NEGR1: variants seen among roughly 807,000 people sequenced by gnomAD.
NEGR1 encodes neuronal growth regulator 1, also known as IgLON family member 4.
In NEGR1, 10 loss-of-function variants were observed where a neutral mutation model predicts 40.9. That is an observed-to-expected ratio of 0.24 (90% confidence interval 0.15 to 0.42). The LOEUF (loss-of-function observed/expected upper bound fraction) is 0.42. Ranked by LOEUF, NEGR1 falls within the 10% of genes least tolerant of loss-of-function variation. The probability of loss-of-function intolerance (pLI) is 1.00; values close to 1 mark genes in which losing one functional copy is unlikely to be tolerated. For synonymous variants in NEGR1, 185 were observed against 166.8 expected, an observed-to-expected ratio of 1.11 and a Z score of -0.84; for missense variants, 352 against 438.9, an observed-to-expected ratio of 0.80 and a Z score of 1.77.
In NEGR1 at chr1:71,923,972, G is replaced by A. The variant is rs567722071; in HGVS notation, c.409+11107C>T. 7.3e-5 allele frequency among the ~76,000 whole-genome samples: 11 copies of A among 151,162 alleles called. No homozygotes were observed. The South Asian group carries it at 2.1e-3, about 29-fold the overall frequency. On this transcript the variant is annotated intron_variant, in intron 2 of 6. Coordinates refer to ENST00000357731, the MANE Select transcript of NEGR1 (RefSeq NM_173808.3). Reference sequence around the variant, plus strand: ...CACCCAGGCTGGAGTGCAGTGGCACGATCACCACTCACTGTAGCCTCCACC... The same window carrying A: ...CACCCAGGCTGGAGTGCAGTGGCACAATCACCACTCACTGTAGCCTCCACC...
chr1:71,992,929 G>A (rs1198365561), intron 1 of NEGR1, among the ~76,000 whole-genome samples: 1 of 152,136 alleles, frequency 6.6e-6, no homozygotes, highest in Non-Finnish European at 1.5e-5. Context: ...ATAAAATAAG[G>A]ATGACTAAGG....
At chr1:72,203,695 A>C (rs150705655) in intron 1 of NEGR1, among the ~76,000 whole-genome samples, 1 of 152,206 alleles carries the variant, frequency 6.6e-6, no homozygotes, top group East Asian at 1.9e-4. Context: ...GCTGTGGAAA[A>C]ATATTTGGTG....
chr1:71,795,683 C>A (rs1392874392), intron 2 of NEGR1, among the ~76,000 whole-genome samples: 1 of 152,110 alleles, frequency 6.6e-6, no homozygotes, highest in Non-Finnish European at 1.5e-5. Context: ...TCTTCAACTG[C>A]AGACAAAATG....
intron 4 of NEGR1, among the ~76,000 whole-genome samples, chr1:71,632,835 C>T (rs144627238): frequency 0.017 from 2,520 of 152,012 alleles, 27 homozygotes; most frequent in Admixed American, 0.031. Context: ...ACTGTACAAT[C>T]TGTTAACTTA....
chr1:72,160,678 C>T (rs182678685), intron 1 of NEGR1, among the ~76,000 whole-genome samples: 13 of 152,018 alleles, frequency 8.6e-5, no homozygotes, highest in East Asian at 3.9e-4. Flanking sequence ...ATATTTGCAT[C>T]GTTTTTCTGG....
intron 6 of NEGR1, among the ~76,000 whole-genome samples, chr1:71,538,887 C>G (rs1253031706): frequency 6.6e-6 from 1 of 151,712 alleles, no homozygotes; most frequent in East Asian, 2.0e-4. Context: ...ATCTGGTGAT[C>G]TTAGGTGTGT....
intron 6 of NEGR1, among the ~76,000 whole-genome samples, chr1:71,449,842 T>TC (rs1646612377): frequency 6.6e-6 from 1 of 152,150 alleles, no homozygotes; most frequent in Non-Finnish European, 1.5e-5. Flanking sequence ...ACCACATTGT[T>TC]TAGTATGTTC....
intron 1 of NEGR1, among the ~76,000 whole-genome samples, chr1:72,246,092 T>C (rs868855068): frequency 6.6e-6 from 1 of 152,140 alleles, no homozygotes; most frequent in Non-Finnish European, 1.5e-5. Flanking sequence ...CTGCAGAAAG[T>C]TTTCATCCCA....
chr1:71,948,425 CT>C (rs1646039802), intron 1 of NEGR1, among the ~76,000 whole-genome samples: 2 of 151,374 alleles, frequency 1.3e-5, no homozygotes, highest in African/African-American at 4.9e-5. Context: ...TTATGATCAA[CT>C]CTTTGTTATT....
intron 3 of NEGR1, among the ~76,000 whole-genome samples, chr1:71,755,317 CTT>C (rs1483029282): frequency 1.3e-5 from 2 of 152,182 alleles, no homozygotes; most frequent in Non-Finnish European, 2.9e-5. Flanking sequence ...AGCTACTACT[CTT>C]GTTTCCTAAA....
chr1:71,437,280 GGGA>G lies in NEGR1; in HGVS notation c.941-29713_941-29711del, dbSNP rs1557525794. ...GAATAGGTGGGATGAGAGGTTTTTA[GGGA>G]GTGATAACTAAAGGGTAAAATGTTT... On this transcript the variant is annotated intron_variant, in intron 6 of 6. Transcript: ENST00000357731. Among the ~76,000 whole-genome samples, 5 of 152,110 alleles carry G rather than the reference GGGA, an allele frequency of 3.3e-5. No individual in the cohort carries two copies. The East Asian group carries it at 9.6e-4, about 29-fold the overall frequency.
At chr1:72,162,250 G>A (rs1570061716) in intron 1 of NEGR1, among the ~76,000 whole-genome samples, 4 of 150,668 alleles carry the variant, frequency 2.7e-5, no homozygotes, top group South Asian at 4.2e-4. Context: ...TCAGGAGTTC[G>A]AAACCAGCCT....
At chr1:71,429,533 A>T (rs1007328110) in intron 6 of NEGR1, among the ~76,000 whole-genome samples, 2 of 152,160 alleles carry the variant, frequency 1.3e-5, no homozygotes, top group African/African-American at 4.8e-5. Context: ...GTCATCCATC[A>T]GAGGCTTTCT....
chr1:72,022,654 T>G (rs3102905), intron 1 of NEGR1, among the ~76,000 whole-genome samples: 2 of 151,630 alleles, frequency 1.3e-5, no homozygotes, highest in South Asian at 2.1e-4. Context: ...TATTTTCTTC[T>G]GAACATGACC....
intron 6 of NEGR1, among the ~76,000 whole-genome samples, chr1:71,483,841 T>G (rs1027156642): frequency 6.6e-6 from 1 of 151,766 alleles, no homozygotes; most frequent in Admixed American, 6.6e-5. Context: ...TAAATGAAAA[T>G]GCCTAGCATT....
chr1:72,278,546 C>CA (rs1466105364), intron 1 of NEGR1, among the ~76,000 whole-genome samples: 1 of 151,918 alleles, frequency 6.6e-6, no homozygotes, highest in Non-Finnish European at 1.5e-5. Context: ...AAAGTGACTG[C>CA]AAAATGATTT....
At position 71,585,837 on chromosome 1, in the gene NEGR1, G is replaced by T. The variant is rs139450288; in HGVS notation, c.940+6980C>A. Among the ~76,000 whole-genome samples, 696 of 151,856 alleles carry T rather than the reference G, an allele frequency of 4.6e-3. 3 individuals carry two copies. The highest frequency in any genetic ancestry group is 0.015 in the African/African-American group (633 of 41,446). On this transcript the variant is annotated intron_variant, in intron 6 of 6. Transcript: ENST00000357731. ...ATCAAAGGACCAGTGCTGCTAATTT[G>T]TCTATCCAGTGAAATAAAGTTACAC...
rs886874097 is a variant in NEGR1, at chr1:71,405,680, T to A, written c.*1766A>T. The A allele has an allele frequency of 6.6e-6, 1 of 151,680 alleles. No individual in the cohort carries two copies. Among genetic ancestry groups the A allele is most frequent in the Admixed American group, 6.6e-5 (1 of 15,116 alleles). The allele number at this position is 151,680 out of a possible 1,614,324, so 9.4% of individuals were successfully genotyped here. A position where few individuals can be genotyped will look rare whatever the true frequency, so the allele number is the denominator to read the frequency against. On this transcript the variant is annotated 3_prime_UTR_variant, in exon 7 of 7. Coordinates refer to ENST00000357731, the MANE Select transcript of NEGR1 (RefSeq NM_173808.3). ...ATTTATGATGTACTTTGGGACTAAG[T>A]TTTACTTGAAGAAAAAAAATCACAG...
chr1:71,829,842 G>T (rs187462116), intron 2 of NEGR1, among the ~76,000 whole-genome samples: 60 of 152,032 alleles, frequency 3.9e-4, no homozygotes, highest in Non-Finnish European at 6.9e-4. Context: ...TCTCAAGGTG[G>T]TTTGGCCAGG....
Sources: allele counts gnomAD v4.1 joint callset (sites outside exome capture counted in the v4.1 genomes callset), GRCh38; gene constraint gnomAD v4.1.1; transcripts MANE v1.5; gene names NCBI Gene and HGNC (gene_info 2026-07-23, HGNC 2026-07-21).